Variants in SLC38A9 observed in about 807,000 individuals in gnomAD.
The protein encoded by SLC38A9 is neutral amino acid transporter 9.
A neutral mutation model predicts 62.3 loss-of-function variants in SLC38A9; 48 were observed. That is an observed-to-expected ratio of 0.77 (90% confidence interval 0.61 to 0.98). The LOEUF is 0.98. Among genes scored for constraint, SLC38A9 ranks in the 50% least tolerant of loss-of-function variants. The pLI is 0.00. For synonymous variants in SLC38A9, 204 were observed against 227.7 expected, an observed-to-expected ratio of 0.90 and a Z score of 0.94; for missense variants, 541 against 679.8, an observed-to-expected ratio of 0.80 and a Z score of 2.27.
intron 15 of SLC38A9, 126 bp from the exon 16 acceptor site, chr5:55,626,785 TTGTTGTTGACATAAAACATCTGGGTTTAA>T: frequency 1.2e-6 from 1 of 834,220 alleles, no homozygotes; most frequent in South Asian, 3.3e-5. Context: ...TTTGATTCAT[TTGTTGTTGACATAAAACATCTGGGTTTAA>T]AACTTACTTT....
At chr5:55,669,350 A>G (rs755385463) in intron 6 of SLC38A9, 29 bp from the exon 7 acceptor site, 4 of 1,539,334 alleles carry the variant, frequency 2.6e-6, no homozygotes, top group African/African-American at 2.7e-5. Context: ...ATAAAACAGC[A>G]TATATCATCA....
intron 1 of SLC38A9, among the ~76,000 whole-genome samples, chr5:55,711,818 A>G (rs1345659370): frequency 6.6e-6 from 1 of 152,160 alleles, no homozygotes; most frequent in East Asian, 1.9e-4. Flanking sequence ...AGAGAGAAAG[A>G]AGGGTGCTCC....
Position 55,633,904 on chromosome 5 carries a change from T to G in SLC38A9, c.1282-2A>C. Reference sequence around the variant, plus strand: ...GCTAGGGAAGTTGTCTAAAAAATTCTAATCCAAGAAAGATAATGAGGTCAT... The same window carrying G: ...GCTAGGGAAGTTGTCTAAAAAATTCGAATCCAAGAAAGATAATGAGGTCAT... On this transcript the variant is annotated splice_acceptor_variant, in intron 13 of 15. Transcript: ENST00000396865. LOFTEE classifies it high-confidence loss of function. 1 of 1,599,532 alleles carries G rather than the reference T, an allele frequency of 6.3e-7. No individual in the cohort carries two copies. Among genetic ancestry groups the G allele is most frequent in the South Asian group, 1.1e-5 (1 of 89,096 alleles).
intron 3 of SLC38A9, among the ~76,000 whole-genome samples, chr5:55,691,940 G>A (rs951958948): frequency 2.0e-5 from 3 of 152,124 alleles, no homozygotes; most frequent in Non-Finnish European, 2.9e-5. Flanking sequence ...AAGGATAAGC[G>A]AACCATCATA....
rs760389921 is a variant in SLC38A9, at chr5:55,635,606, T to A, written c.1219A>T (p.Ile407Phe). 6.2e-7 allele frequency: 1 copy of A among 1,613,768 alleles called. No individual in the cohort carries two copies. Among genetic ancestry groups the A allele is most frequent in the African/African-American group, 1.3e-5 (1 of 74,896 alleles). ...YMLVTLTYLY[I>F]GVLVFASFPS... is the part of the protein sequence containing the mutation. ...AATGAAGCAAAAACCAGGACTCCAA[T>A]ATAGAGATAAGTTAATGTCACCAGC... Residue 407 changes from isoleucine (I) to phenylalanine (F), a missense_variant, in exon 13 of 16, where the codon ATT becomes TTT. Ile to Phe is a conservative substitution (Grantham distance 21). Transcript: ENST00000396865.
intron 3 of SLC38A9, among the ~76,000 whole-genome samples, chr5:55,674,128 A>C (rs1207957844): frequency 6.6e-6 from 1 of 152,222 alleles, no homozygotes; most frequent in African/African-American, 2.4e-5. Context: ...TGTTAAACTT[A>C]GTTTTATCTC....
At chr5:55,645,435 T>C (rs35776297) in intron 12 of SLC38A9, among the ~76,000 whole-genome samples, 90,468 of 152,092 alleles carry the variant, frequency 0.59, 27,594 homozygotes, top group South Asian at 0.7. Context: ...TGGCAGGCAC[T>C]GGCAAACTAT....
At position 55,640,858 on chromosome 5, in the gene SLC38A9, C is replaced by G. The variant is rs151251267; in HGVS notation, c.1167+4931G>C. 2.7e-3 allele frequency among the ~76,000 whole-genome samples: 417 copies of G among 152,260 alleles called. 1 individual carries two copies. Among genetic ancestry groups the G allele is most frequent in the African/African-American group, 9.3e-3 (388 of 41,554 alleles). On this transcript the variant is annotated intron_variant, in intron 12 of 15. Coordinates refer to ENST00000396865, the MANE Select transcript of SLC38A9 (RefSeq NM_173514.4). ...AAAATATGTATATATATTTTTGAGA[C>G]AGAGTTTCACTCTTGTTGCCCATGC...
chr5:55,701,830 T>C (rs1160876787), intron 2 of SLC38A9, among the ~76,000 whole-genome samples: 1 of 152,230 alleles, frequency 6.6e-6, no homozygotes, highest in Non-Finnish European at 1.5e-5. Flanking sequence ...GAGAAGTAAC[T>C]GATCACAAAG....
intron 12 of SLC38A9, among the ~76,000 whole-genome samples, chr5:55,639,272 T>TAAAAAAA (rs753043231): frequency 7.7e-4 from 42 of 54,638 alleles, no homozygotes; most frequent in African/African-American, 2.7e-3. Context: ...AAACTCTGTC[T>TAAAAAAA]AAAAAAAAAA....
At chr5:55,692,908 G>A in intron 3 of SLC38A9, 1 of 978,114 alleles carries the variant, frequency 1.0e-6, no homozygotes, top group Non-Finnish European at 1.2e-6. Flanking sequence ...CTTTTCTGAT[G>A]GCCACTATAA....
chr5:55,680,858 T>A (rs1042719199), intron 3 of SLC38A9, among the ~76,000 whole-genome samples: 8 of 152,242 alleles, frequency 5.3e-5, no homozygotes, highest in African/African-American at 1.9e-4. Context: ...AATATTGTAG[T>A]AGCCTGATCA....
At chr5:55,682,232 T>C (rs1348297442) in intron 3 of SLC38A9, among the ~76,000 whole-genome samples, 1 of 152,102 alleles carries the variant, frequency 6.6e-6, no homozygotes, top group Non-Finnish European at 1.5e-5. Flanking sequence ...AAAATTTACC[T>C]CTCACATTTA....
chr5:55,710,687 C>G (rs973127018), intron 2 of SLC38A9, among the ~76,000 whole-genome samples: 1 of 151,968 alleles, frequency 6.6e-6, no homozygotes. Context: ...ACGATCTCAG[C>G]TCACTGCAAC....
intron 2 of SLC38A9, among the ~76,000 whole-genome samples, chr5:55,705,825 A>T (rs886512093): frequency 3.3e-5 from 5 of 151,774 alleles, no homozygotes; most frequent in Non-Finnish European, 5.9e-5. Flanking sequence ...CTCCTGCCTC[A>T]GCCTCCCGAG....
intron 3 of SLC38A9, chr5:55,675,196 G>A (rs956495841): frequency 6.6e-6 from 1 of 152,178 alleles, no homozygotes; most frequent in Non-Finnish European, 1.5e-5. Context: ...AAGCAGTCAG[G>A]AAGTGCTAAA....
chr5:55,677,700 TA>T (rs1189458747), intron 3 of SLC38A9, among the ~76,000 whole-genome samples: 277 of 125,542 alleles, frequency 2.2e-3, no homozygotes, highest in Non-Finnish European at 3.7e-3. Flanking sequence ...CCCAGCTAAT[TA>T]AAAAAAAAAA....
intron 3 of SLC38A9, among the ~76,000 whole-genome samples, chr5:55,676,535 A>G (rs1467760405): frequency 6.6e-6 from 1 of 152,184 alleles, no homozygotes; most frequent in Non-Finnish European, 1.5e-5. Flanking sequence ...GATATACCAA[A>G]GATAAGCCTT....
chr5:55,636,658 G>A (rs1297295675), intron 12 of SLC38A9, among the ~76,000 whole-genome samples: 5 of 152,242 alleles, frequency 3.3e-5, no homozygotes, highest in Non-Finnish European at 5.9e-5. Context: ...TCCTTAAATG[G>A]GCTAGCTAAC....
Sources: gnomAD v4.1 joint callset for allele counts (sites outside exome capture counted in the v4.1 genomes callset) on GRCh38, gnomAD v4.1.1 for gene constraint, MANE v1.5 for transcripts, NCBI Gene and HGNC (gene_info 2026-07-23, HGNC 2026-07-21) for gene names.